ANKUB1: variants seen among roughly 807,000 people sequenced by gnomAD.
ANKUB1 encodes protein ANKUB1.
Under a neutral mutation model 49.3 loss-of-function variants are expected in ANKUB1, and 42 were observed. The ratio of observed to expected loss-of-function variants is 0.85; its 90% CI spans 0.67 to 1.10. ANKUB1 has a LOEUF of 1.10. Ranked by LOEUF, ANKUB1 falls within the 50% of genes least tolerant of loss-of-function variation. ANKUB1 has a pLI of 0.00. For missense variants in ANKUB1, 613 were observed against 642.0 expected, an observed-to-expected ratio of 0.95 and a Z score of 0.49; for synonymous variants, 222 against 231.0, an observed-to-expected ratio of 0.96 and a Z score of 0.35.
In ANKUB1 at chr3:149,790,914, T is replaced by C; in HGVS notation, c.101A>G (p.His34Arg). The stretch of plus-strand genomic sequence containing the variant: ...TTGTTTGTCTTCAGAGAGAGGAATG[T>C]GGAAATAATCCTTAAAAATCAATAG... ...VVKLMIKDYF[H>R]IPLSEDKQGR... The change falls in exon 2 of 6, where the codon CAC (histidine) becomes CGC (arginine). Residue 34 changes from histidine to arginine, a missense_variant. By Grantham distance (29) the His-to-Arg change is conservative (BLOSUM62 0). Transcript: ENST00000446160. 2.6e-6 allele frequency: 4 copies of C among 1,551,592 alleles called. No homozygotes were observed. Among genetic ancestry groups the C allele is most frequent in the Non-Finnish European group, 3.5e-6 (4 of 1,146,922 alleles).
rs1330148592 is a variant in ANKUB1, at chr3:149,761,612, C to T, written c.1507G>A (p.Ala503Thr). 6.4e-7 allele frequency: 1 copy of T among 1,550,604 alleles called. No individual in the cohort carries two copies. The highest frequency in any genetic ancestry group is 1.2e-5 in the South Asian group (1 of 84,004). Residue 503 changes from alanine to threonine, a missense_variant and splice_region_variant, in exon 6 of 6, where the codon GCC becomes ACC. Transcript: ENST00000446160. ...TGAAGCCATCGTTTCTCTTTAAAGG[C>T]ACTGCAAGAAAACAAGATATAATTT... The part of the protein sequence containing the change: ...NAIYCLAVAS[A>T]FKEKRWLQQL...
At chr3:149,761,719 T>A in intron 5 of ANKUB1, 106 bp from the exon 6 acceptor site, 1 of 1,288,632 alleles carries the variant, frequency 7.8e-7, no homozygotes, top group South Asian at 1.5e-5. Flanking sequence ...AGGGCTAGTT[T>A]GTCTTGTCAC....
intron 5 of ANKUB1, chr3:149,763,836 T>A (rs1474939099): frequency 4.5e-6 from 2 of 449,398 alleles, no homozygotes; most frequent in South Asian, 3.1e-5. Context: ...ACATTAGCGC[T>A]TGATCTGTGT....
chr3:149,771,928 C>G (rs1042160831), intron 3 of ANKUB1, among the ~76,000 whole-genome samples: 2 of 152,250 alleles, frequency 1.3e-5, no homozygotes, highest in African/African-American at 2.4e-5. Context: ...TATCTTTCAC[C>G]CAACCTGCTT....
In ANKUB1 at chr3:149,780,334, C is replaced by A. The variant is rs928862514; in HGVS notation, c.356G>T (p.Arg119Ile). 1.4e-5 allele frequency: 22 copies of A among 1,551,816 alleles called. No homozygotes were observed. The highest frequency in any genetic ancestry group is 1.8e-5 in the Non-Finnish European group (21 of 1,147,054). Residue 119 changes from arginine (R) to isoleucine (I), a missense_variant, in exon 3 of 6, where the codon AGA becomes ATA. By Grantham distance (97) the Arg-to-Ile change is moderately conservative. Transcript: ENST00000446160. The part of the protein sequence containing the change: ...VSDLRTLVTL[R>I]CGLPVSVYCL... ...GTAGACACTCACGGGGAGGCCACAT[C>A]TCAGAGTTACCAGTGTTCTCAGATC...
rs982232347 is a variant in ANKUB1, at chr3:149,761,376, A to G, written c.*108T>C. On this transcript the variant is annotated 3_prime_UTR_variant, in exon 6 of 6. Transcript: ENST00000446160. ...CTATTAAAAGTTATGTGGCATTATA[A>G]CTGTTACTAGAGATGATAACATTAG... 4 of 1,290,758 alleles carry G rather than the reference A, an allele frequency of 3.1e-6. No individual in the cohort carries two copies. In the African/African-American group the frequency reaches 6.0e-5, roughly 19 times the overall value. The allele number at this position is 1,290,758 out of a possible 1,614,324, so 80.0% of individuals were successfully genotyped here. A position where few individuals can be genotyped will look rare whatever the true frequency, so the allele number is the denominator to read the frequency against.
In ANKUB1 at chr3:149,790,850, A is replaced by T. The variant is rs1183579727; in HGVS notation, c.165T>A (p.Ala55=). The change falls in exon 2 of 6, where the codon GCT becomes GCA. Residue 55 remains alanine (A), a synonymous_variant. Transcript: ENST00000446160. The part of the protein sequence containing the change: ...RYLELMYAGA[A]LKDSWSLADV... ...CAGCAAGACTCCAACTGTCCTTTAG[A>T]GCAGCTCCAGCATACATTAACTCCA... 6 of 1,552,072 alleles carry T rather than the reference A, an allele frequency of 3.9e-6. No individual in the cohort carries two copies. In the Admixed American group the frequency reaches 9.8e-5, roughly 25 times the overall value.
At chr3:149,770,505 A>T in intron 4 of ANKUB1, 55 bp downstream of exon 4, 5 of 1,297,770 alleles carry the variant, frequency 3.9e-6, no homozygotes, top group Non-Finnish European at 5.4e-6. Context: ...GTATGATGGA[A>T]GTTTAGTAAA....
chr3:149,766,717 G>C, intron 5 of ANKUB1: 1 of 711,030 alleles, frequency 1.4e-6, no homozygotes. Flanking sequence ...AGAATTGCTT[G>C]AGCCTAGGAA....
At chr3:149,775,503 G>T (rs749118226) in intron 3 of ANKUB1, among the ~76,000 whole-genome samples, 1 of 151,948 alleles carries the variant, frequency 6.6e-6, no homozygotes, top group Non-Finnish European at 1.5e-5. Flanking sequence ...AGCACCATAG[G>T]TCTCCATGAG....
intron 2 of ANKUB1, among the ~76,000 whole-genome samples, chr3:149,786,743 T>C (rs1718116061): frequency 6.6e-6 from 1 of 152,246 alleles, no homozygotes; most frequent in Admixed American, 6.5e-5. Flanking sequence ...TAATCCATCT[T>C]GAATTAATTT....
rs761042247 is a variant in ANKUB1 at position 149,767,757 on chromosome 3, G to T, written c.905C>A (p.Ser302Tyr). ...CATTGGGACTGAAATTTTTGGAAAAGAAACTGTGGACCACATTTTACTGAG... is the reference window on the plus strand; with the variant it reads ...CATTGGGACTGAAATTTTTGGAAAATAAACTGTGGACCACATTTTACTGAG... The part of the protein sequence containing the change: ...YLLSKMWSTV[S>Y]FPKISVPMRI... The change falls in exon 5 of 6, where the codon TCT (serine) becomes TAT (tyrosine). Residue 302 changes from serine to tyrosine, a missense_variant. By Grantham distance (144) the Ser-to-Tyr change is moderately radical (BLOSUM62 -2). Coordinates refer to ENST00000446160, the MANE Select transcript of ANKUB1 (RefSeq NM_001144960.3). The T allele has an allele frequency of 2.6e-6, 4 of 1,551,600 alleles. No individual in the cohort carries two copies. The South Asian group carries it at 3.6e-5, about 14-fold the overall frequency.
At chr3:149,774,053 C>T (rs577294544) in intron 3 of ANKUB1, among the ~76,000 whole-genome samples, 11 of 152,138 alleles carry the variant, frequency 7.2e-5, no homozygotes, top group Non-Finnish European at 1.6e-4. Context: ...GTCAGTGTTC[C>T]TGTTCATCCT....
chr3:149,763,502 G>A (rs1280735347), intron 5 of ANKUB1, among the ~76,000 whole-genome samples: 2 of 152,156 alleles, frequency 1.3e-5, no homozygotes, highest in African/African-American at 4.8e-5. Flanking sequence ...AAAACAAAGA[G>A]CTGTACTTGT....
intron 1 of ANKUB1, among the ~76,000 whole-genome samples, chr3:149,791,646 C>T (rs1718364925): frequency 6.6e-6 from 1 of 152,128 alleles, no homozygotes; most frequent in African/African-American, 2.4e-5. Context: ...TGACCATCTC[C>T]AAGTTAAATA....
At chr3:149,789,472 T>C (rs1024881023) in intron 2 of ANKUB1, among the ~76,000 whole-genome samples, 2 of 152,192 alleles carry the variant, frequency 1.3e-5, no homozygotes, top group Non-Finnish European at 2.9e-5. Flanking sequence ...TGCTTTGAAA[T>C]GTAATGTTAT....
chr3:149,777,161 A>AT (rs1321781120), intron 3 of ANKUB1, among the ~76,000 whole-genome samples: 2 of 151,898 alleles, frequency 1.3e-5, no homozygotes, highest in Non-Finnish European at 2.9e-5. Flanking sequence ...TTGCTACCAG[A>AT]TTAAACCTCT....
At chr3:149,774,798 T>A (rs6440638) in intron 3 of ANKUB1, among the ~76,000 whole-genome samples, 77,658 of 152,074 alleles carry the variant, frequency 0.51, 22,023 homozygotes, top group African/African-American at 0.78. Context: ...TTATTAGATT[T>A]TCCTTTCACC....
intron 3 of ANKUB1, among the ~76,000 whole-genome samples, chr3:149,771,757 A>G (rs1023946606): frequency 6.6e-6 from 1 of 152,052 alleles, no homozygotes; most frequent in East Asian, 1.9e-4. Context: ...TTAATTGTCA[A>G]TCTTAGTGGC....
Sources: allele counts gnomAD v4.1 joint callset (sites outside exome capture counted in the v4.1 genomes callset), GRCh38; gene constraint gnomAD v4.1.1; transcripts MANE v1.5; gene names NCBI Gene and HGNC (gene_info 2026-07-23, HGNC 2026-07-21).